The following EPHB1 variants were observed in gnomAD, a reference collection of about 807,000 sequenced individuals.
EPHB1 encodes ephrin type-B receptor 1.
A neutral mutation model predicts 94.4 loss-of-function variants in EPHB1; 30 were observed. That is an observed-to-expected ratio of 0.32 (90% CI 0.24 to 0.43). The LOEUF is 0.43. EPHB1 is among the 20% of genes least tolerant of loss of function. The probability of loss-of-function intolerance (pLI) is 1.00; values close to 1 mark genes in which losing one functional copy is unlikely to be tolerated. For missense variants in EPHB1, 1,055 were observed against 1,308.3 expected, an observed-to-expected ratio of 0.81 and a Z score of 2.99; for synonymous variants, 522 against 489.1, an observed-to-expected ratio of 1.07 and a Z score of -0.89.
At position 134,884,643 on chromosome 3, in the gene EPHB1, C is replaced by T. The variant is rs550884753; in HGVS notation, c.59-41173C>T. Among the ~76,000 whole-genome samples the T allele has an allele frequency of 3.9e-5, 6 of 152,294 alleles. No homozygotes were observed. The East Asian group carries it at 1.2e-3, about 29-fold the overall frequency. ...AGCAACAGGATAAAATTTAATAATA[C>T]TCTTTCCTTTGAAAAGACTTGAATG... On this transcript the variant is annotated intron_variant, in intron 1 of 15. Coordinates refer to ENST00000398015, the MANE Select transcript of EPHB1 (RefSeq NM_004441.5).
intron 3 of EPHB1, among the ~76,000 whole-genome samples, chr3:135,041,562 A>G (rs1448542401): frequency 6.6e-6 from 1 of 152,246 alleles, no homozygotes; most frequent in Non-Finnish European, 1.5e-5. Context: ...ACTATGGGCA[A>G]GAAGGTAGAG....
At chr3:134,976,304 A>C (rs1224369432) in intron 3 of EPHB1, among the ~76,000 whole-genome samples, 1 of 152,206 alleles carries the variant, frequency 6.6e-6, no homozygotes, top group Non-Finnish European at 1.5e-5. Context: ...TGAATGCAAC[A>C]GCTCCTTTGC....
At chr3:134,965,736 T>C (rs1384007675) in intron 3 of EPHB1, among the ~76,000 whole-genome samples, 1 of 152,188 alleles carries the variant, frequency 6.6e-6, no homozygotes. Flanking sequence ...GTCTAAGCAG[T>C]GCAGCAGCCC....
intron 3 of EPHB1, among the ~76,000 whole-genome samples, chr3:135,043,427 G>T (rs1315024645): frequency 1.3e-5 from 2 of 152,138 alleles, no homozygotes; most frequent in Non-Finnish European, 2.9e-5. Flanking sequence ...CAATTTCAGA[G>T]TGAGAAGCCC....
chr3:135,219,294 C>G (rs1333017725), intron 12 of EPHB1, among the ~76,000 whole-genome samples: 3 of 152,048 alleles, frequency 2.0e-5, no homozygotes, highest in African/African-American at 7.2e-5. Context: ...CCTCTGGCAC[C>G]TGTGAATGTG....
intron 12 of EPHB1, among the ~76,000 whole-genome samples, chr3:135,209,050 C>G (rs1024820508): frequency 2.0e-5 from 3 of 152,094 alleles, no homozygotes; most frequent in Admixed American, 2.0e-4. Flanking sequence ...TAATTTGAGC[C>G]TCACAATATA....
intron 3 of EPHB1, among the ~76,000 whole-genome samples, chr3:135,099,088 A>G (rs1938927576): frequency 7.9e-6 from 1 of 126,230 alleles, no homozygotes; most frequent in African/African-American, 2.9e-5. Flanking sequence ...ATTCTCTAAT[A>G]TTAATATCAT....
At chr3:134,838,480 C>T (rs1347995147) in intron 1 of EPHB1, among the ~76,000 whole-genome samples, 5 of 152,304 alleles carry the variant, frequency 3.3e-5, no homozygotes, top group East Asian at 1.9e-4. Context: ...GTCTTCCCCA[C>T]GGATTCTCCT....
chr3:135,050,644 T>A (rs1409844874), intron 3 of EPHB1, among the ~76,000 whole-genome samples: 1 of 152,150 alleles, frequency 6.6e-6, no homozygotes, highest in Non-Finnish European at 1.5e-5. Flanking sequence ...GGTGTTTTCG[T>A]CATGGGGCTG....
intron 3 of EPHB1, among the ~76,000 whole-genome samples, chr3:135,073,892 T>C (rs146255616): frequency 1.1e-3 from 175 of 152,330 alleles, no homozygotes; most frequent in African/African-American, 4.0e-3. Flanking sequence ...CTCTGTCCTC[T>C]GCAATTTCTG....
chr3:134,965,228 C>T (rs116188478), intron 3 of EPHB1, among the ~76,000 whole-genome samples: 3,107 of 152,286 alleles, frequency 0.02, 118 homozygotes, highest in African/African-American at 0.071. Flanking sequence ...TTTCTTCTAA[C>T]ATATTTTGAA....
intron 3 of EPHB1, among the ~76,000 whole-genome samples, chr3:135,051,773 A>G (rs1203401950): frequency 1.3e-5 from 2 of 152,208 alleles, no homozygotes; most frequent in African/African-American, 2.4e-5. Flanking sequence ...CCTGTCAGGA[A>G]GTTAAACGGC....
chr3:134,938,682 G>A (rs918623598), intron 2 of EPHB1, among the ~76,000 whole-genome samples: 1 of 152,232 alleles, frequency 6.6e-6, no homozygotes, highest in Admixed American at 6.5e-5. Flanking sequence ...GGCTAAGTGT[G>A]TGTCCCCAGA....
intron 5 of EPHB1, among the ~76,000 whole-genome samples, chr3:135,153,346 A>G (rs1941251125): frequency 6.6e-6 from 1 of 152,180 alleles, no homozygotes; most frequent in South Asian, 2.1e-4. Flanking sequence ...GACAGCCCTC[A>G]TTTATTATTT....
At chr3:134,877,471 G>C (rs911085746) in intron 1 of EPHB1, among the ~76,000 whole-genome samples, 1 of 151,960 alleles carries the variant, frequency 6.6e-6, no homozygotes, top group Non-Finnish European at 1.5e-5. Context: ...TGACCCTCAG[G>C]CCTCCATATT....
At chr3:135,251,806 T>C (rs1181707237) in intron 15 of EPHB1, among the ~76,000 whole-genome samples, 1 of 152,164 alleles carries the variant, frequency 6.6e-6, no homozygotes, top group Non-Finnish European at 1.5e-5. Flanking sequence ...CACCAGGGTG[T>C]GATGTGCAGT....
chr3:135,247,018 CATT>C (rs1490136822), intron 13 of EPHB1, among the ~76,000 whole-genome samples: 13 of 152,226 alleles, frequency 8.5e-5, no homozygotes, highest in Admixed American at 3.3e-4. Flanking sequence ...AAATGAATCT[CATT>C]ATTTTTTAAG....
chr3:134,981,356 AG>A (rs1205741753), intron 3 of EPHB1, among the ~76,000 whole-genome samples: 2 of 152,186 alleles, frequency 1.3e-5, no homozygotes, highest in Admixed American at 6.5e-5. Flanking sequence ...GTGTTCATCA[AG>A]GGTAGGCAGG....
intron 4 of EPHB1, among the ~76,000 whole-genome samples, chr3:135,120,130 A>G (rs1318347580): frequency 1.3e-5 from 2 of 152,240 alleles, no homozygotes; most frequent in Admixed American, 1.3e-4. Flanking sequence ...TCTTACAACC[A>G]GCTTGACAAA....
Sources: gnomAD v4.1 joint callset for allele counts (sites outside exome capture counted in the v4.1 genomes callset) on GRCh38, gnomAD v4.1.1 for gene constraint, MANE v1.5 for transcripts, NCBI Gene and HGNC (gene_info 2026-07-23, HGNC 2026-07-21) for gene names.